Variants in SND1 observed in about 807,000 individuals in gnomAD.
SND1 encodes staphylococcal nuclease and tudor domain containing 1, also known as staphylococcal nuclease domain-containing protein 1.
In SND1, 38 loss-of-function variants were observed where a neutral mutation model predicts 121.7. That is an observed-to-expected ratio of 0.31 (90% CI 0.24 to 0.41). The LOEUF is 0.41. SND1 is among the 10% of genes least tolerant of loss of function. The pLI, the probability that SND1 is intolerant of heterozygous loss-of-function variation, is 1.00. For synonymous variants in SND1, 401 were observed against 447.4 expected (o/e 0.90, Z 1.31); for missense variants, 868 against 1,184.6 (o/e 0.73, Z 3.92).
intron 11 of SND1, among the ~76,000 whole-genome samples, chr7:127,826,075 C>T (rs1798638006): frequency 2.6e-5 from 4 of 152,124 alleles, no homozygotes; most frequent in Admixed American, 6.5e-5. Context: ...CCCATAATCC[C>T]AGCTACTTGG....
rs893075912 is a variant in SND1, at chr7:128,015,041, G to C, written c.1779+23985G>C. 6.6e-6 allele frequency among the ~76,000 whole-genome samples: 1 copy of C among 152,182 alleles called. No individual in the cohort carries two copies. Among genetic ancestry groups the C allele is most frequent in the Admixed American group, 6.5e-5 (1 of 15,272 alleles). On this transcript the variant is annotated intron_variant, in intron 16 of 23. Coordinates refer to ENST00000354725, the MANE Select transcript of SND1 (RefSeq NM_014390.4). The surrounding 1 kb of genome is among the most constrained non-coding windows in gnomAD (Gnocchi z 4.5). ...TGGCTGGCTGTTCTTGCACTTGAGC[G>C]GCTTGTTTGCCTGGACAGGTCCAAG... is the stretch of plus-strand genomic sequence containing the variant.
chr7:127,762,846 AG>A (rs1463777232), intron 10 of SND1, among the ~76,000 whole-genome samples: 1 of 152,238 alleles, frequency 6.6e-6, no homozygotes, highest in Non-Finnish European at 1.5e-5. Flanking sequence ...TAATTGTAAA[AG>A]AAATTGTATA....
intron 14 of SND1, among the ~76,000 whole-genome samples, chr7:127,913,943 T>C (rs1370698715): frequency 6.6e-6 from 1 of 152,212 alleles, no homozygotes; most frequent in African/African-American, 2.4e-5. Flanking sequence ...CTACAGACTA[T>C]GTCGTACAGA....
At chr7:128,011,476 G>A (rs1403055640) in intron 16 of SND1, among the ~76,000 whole-genome samples, 2 of 152,216 alleles carry the variant, frequency 1.3e-5, no homozygotes, top group Non-Finnish European at 2.9e-5. Flanking sequence ...TGTCTGGCAT[G>A]TCACGTTTTC....
At chr7:127,926,708 A>G (rs1800845465) in intron 14 of SND1, among the ~76,000 whole-genome samples, 1 of 146,420 alleles carries the variant, frequency 6.8e-6, no homozygotes, top group East Asian at 1.9e-4. Flanking sequence ...GCCCACCACC[A>G]CACCCGGCTA....
At chr7:128,032,766 G>A (rs1026590590) in intron 16 of SND1, among the ~76,000 whole-genome samples, 3 of 152,176 alleles carry the variant, frequency 2.0e-5, no homozygotes, top group Non-Finnish European at 4.4e-5. Flanking sequence ...GAGAGCCCGG[G>A]CTTCGCTGCT....
At chr7:127,916,769 T>C (rs1167002450) in intron 14 of SND1, among the ~76,000 whole-genome samples, 1 of 152,134 alleles carries the variant, frequency 6.6e-6, no homozygotes, top group East Asian at 1.9e-4. Context: ...ACAGTGCAAT[T>C]CCATGAGTTA....
intron 21 of SND1, among the ~76,000 whole-genome samples, chr7:128,088,004 G>A (rs1026691154): frequency 3.3e-5 from 5 of 152,188 alleles, no homozygotes; most frequent in East Asian, 1.9e-4. Flanking sequence ...TGAGAGCTGC[G>A]TGATCACCAT....
intron 3 of SND1, among the ~76,000 whole-genome samples, chr7:127,697,909 T>C (rs1187428765): frequency 6.6e-6 from 1 of 152,194 alleles, no homozygotes; most frequent in Non-Finnish European, 1.5e-5. Context: ...TCAGATTATC[T>C]TGGAGCTTGT....
chr7:127,970,494 T>A (rs1801959794), intron 15 of SND1, among the ~76,000 whole-genome samples: 1 of 152,236 alleles, frequency 6.6e-6, no homozygotes, highest in African/African-American at 2.4e-5. Context: ...GTCTTTGCTG[T>A]CACTGTCTTT....
At chr7:127,662,238 C>G (rs1795327305) in intron 1 of SND1, among the ~76,000 whole-genome samples, 1 of 152,144 alleles carries the variant, frequency 6.6e-6, no homozygotes, top group African/African-American at 2.4e-5. Context: ...AGATACACAC[C>G]CTCTCCTCCT....
At chr7:128,090,839 C>A (rs988765945) in intron 22 of SND1, among the ~76,000 whole-genome samples, 6 of 152,156 alleles carry the variant, frequency 3.9e-5, no homozygotes, top group Non-Finnish European at 8.8e-5. Flanking sequence ...GATAGACCCC[C>A]ACTTTCCTTA....
intron 15 of SND1, among the ~76,000 whole-genome samples, chr7:127,970,895 AG>A (rs891194560): frequency 2.0e-5 from 3 of 152,082 alleles, no homozygotes; most frequent in Non-Finnish European, 4.4e-5. Flanking sequence ...GGATCACTTG[AG>A]CCCAGGAGTT....
chr7:127,652,234 CG>C lies in SND1; in HGVS notation c.-138del. The C allele has an allele frequency of 1.3e-6, 1 of 741,932 alleles. No homozygotes were observed. Among genetic ancestry groups the C allele is most frequent in the African/African-American group, 1.7e-5 (1 of 57,648 alleles). 46.0% of individuals were successfully genotyped at this position (741,932 alleles called of 1,614,324 possible). On this transcript the variant is annotated 5_prime_UTR_variant, in exon 1 of 24. Coordinates refer to ENST00000354725, the MANE Select transcript of SND1 (RefSeq NM_014390.4). Reference sequence around the variant, plus strand: ...TCCCGCTGCTGCTCCTGTGAGCGCCCGGCGAGTCCGTCCCGTCCACCGTCCG... The same window carrying C: ...TCCCGCTGCTGCTCCTGTGAGCGCCCGCGAGTCCGTCCCGTCCACCGTCCG...
chr7:127,944,014 A>G (rs1476910091), intron 15 of SND1, among the ~76,000 whole-genome samples: 1 of 152,204 alleles, frequency 6.6e-6, no homozygotes, highest in Non-Finnish European at 1.5e-5. Context: ...GCCCTCTTGC[A>G]GTTCTCTGCA....
intron 10 of SND1, among the ~76,000 whole-genome samples, chr7:127,734,852 T>C (rs57918669): frequency 0.017 from 2,596 of 152,340 alleles, 91 homozygotes; most frequent in African/African-American, 0.059. Flanking sequence ...ATCTGATTTA[T>C]GCTAAATAAA....
intron 16 of SND1, among the ~76,000 whole-genome samples, chr7:128,047,877 C>T (rs1475691889): frequency 1.3e-5 from 2 of 150,290 alleles, no homozygotes; most frequent in Non-Finnish European, 1.5e-5. Flanking sequence ...GACGAAATTT[C>T]GCTCTTATTG....
At chr7:127,900,603 T>C (rs1438537077) in intron 13 of SND1, among the ~76,000 whole-genome samples, 1 of 152,234 alleles carries the variant, frequency 6.6e-6, no homozygotes, top group Non-Finnish European at 1.5e-5. Flanking sequence ...TGTGAGAGTT[T>C]CGAGCTTTGC....
At chr7:127,787,347 G>C (rs1299389628) in intron 10 of SND1, among the ~76,000 whole-genome samples, 1 of 152,104 alleles carries the variant, frequency 6.6e-6, no homozygotes, top group African/African-American at 2.4e-5. Flanking sequence ...CTATCCTCCT[G>C]CCTCAGCCTC....
Sources: allele counts gnomAD v4.1 joint callset (sites outside exome capture counted in the v4.1 genomes callset), GRCh38; gene constraint gnomAD v4.1.1; non-coding constraint Gnocchi (gnomAD v3.1); transcripts MANE v1.5; gene names NCBI Gene and HGNC (gene_info 2026-07-23, HGNC 2026-07-21).